Variants in FAM53A observed in about 807,000 individuals in gnomAD.
The protein encoded by FAM53A is protein FAM53A.
A neutral mutation model predicts 26.6 loss-of-function variants in FAM53A; 28 were observed. The ratio of observed to expected loss-of-function variants is 1.05; its 90% CI spans 0.78 to 1.45. FAM53A has a LOEUF of 1.45. Among genes scored for constraint, FAM53A ranks in the 40% most tolerant of loss-of-function variants. The pLI, the probability that FAM53A is intolerant of heterozygous loss-of-function variation, is 0.00. For missense variants in FAM53A, 650 were observed against 575.8 expected, an observed-to-expected ratio of 1.13 and a Z score of -1.32; for synonymous variants, 290 against 253.1, an observed-to-expected ratio of 1.15 and a Z score of -1.38.
chr4:1,601,915 TGGGGAGGTGGGCCA>T, the FAM53A span, among the ~76,000 whole-genome samples: 4 of 21,756 alleles, frequency 1.8e-4, 1 homozygote, highest in Non-Finnish European at 2.8e-4. Flanking sequence ...GTGTGGGGCC[TGGGGAGGTGGGCCA>T]GGGGAGGTGG....
At chr4:1,597,134 G>A in the FAM53A span, among the ~76,000 whole-genome samples, 1 of 152,122 alleles carries the variant, frequency 6.6e-6, no homozygotes, top group African/African-American at 2.4e-5. Context: ...CCACAGGCCT[G>A]GGCTCCCCAG....
intron 1 of FAM53A, among the ~76,000 whole-genome samples, chr4:1,620,681 AAAAG>A (rs1393331271): frequency 2.7e-5 from 4 of 148,640 alleles, no homozygotes; most frequent in East Asian, 2.0e-4. Context: ...AAAAAAAAGA[AAAAG>A]AAAGAAAGAA....
At chr4:1,685,717 G>C (rs1403866120), upstream of FAM53A, among the ~76,000 whole-genome samples, 1 of 152,164 alleles carries the variant, frequency 6.6e-6, no homozygotes, top group African/African-American at 2.4e-5. Flanking sequence ...AGGCGTCCAG[G>C]CCATTCTCTT....
At chr4:1,629,160 G>C (rs1715497092) in intron 1 of FAM53A, among the ~76,000 whole-genome samples, 1 of 152,014 alleles carries the variant, frequency 6.6e-6, no homozygotes, top group Admixed American at 6.5e-5. Flanking sequence ...AGGGTCCCTG[G>C]GGCACTAGAG....
chr4:1,643,996 C>T (rs1054315856), intron 4 of FAM53A, among the ~76,000 whole-genome samples: 4 of 152,246 alleles, frequency 2.6e-5, no homozygotes, highest in Non-Finnish European at 5.9e-5. Flanking sequence ...GCCCCAGGCC[C>T]GGCATGAGGA....
At chr4:1,575,645 G>T in the FAM53A span, among the ~76,000 whole-genome samples, 3 of 152,076 alleles carry the variant, frequency 2.0e-5, no homozygotes, top group Non-Finnish European at 4.4e-5. Context: ...GGGTCTCCAT[G>T]ATACTGAGTG....
rs1442292202 is a variant in FAM53A at position 1,618,483 on chromosome 4, C to T, written c.432-372G>A. Reference sequence around the variant, plus strand: ...AGGGCCCCCTTCAGACAGCCCCAGACAGGTGAGCAGGGATGGGAGGCAGAG... The same window carrying T: ...AGGGCCCCCTTCAGACAGCCCCAGATAGGTGAGCAGGGATGGGAGGCAGAG... On this transcript the variant is annotated intron_variant, in intron 1 of 1. Coordinates refer to the FAM53A transcript ENST00000489029. 2.6e-5 allele frequency among the ~76,000 whole-genome samples: 4 copies of T among 152,314 alleles called. No individual in the cohort carries two copies. In the East Asian group the frequency reaches 7.7e-4, roughly 29 times the overall value.
chr4:1,681,069 T>C (rs912152128), intron 1 of FAM53A, among the ~76,000 whole-genome samples: 1 of 152,060 alleles, frequency 6.6e-6, no homozygotes, highest in Non-Finnish European at 1.5e-5. Flanking sequence ...GTCCTGCATG[T>C]GTGAGGGCAG....
chr4:1,580,807 C>T, the FAM53A span, among the ~76,000 whole-genome samples: 1 of 123,940 alleles, frequency 8.1e-6, no homozygotes, highest in South Asian at 2.8e-4. Flanking sequence ...CCGCCTCCCA[C>T]TCAAGGCCCC....
At chr4:1,614,663 C>T (rs565453390), downstream of FAM53A, among the ~76,000 whole-genome samples, 7 of 152,284 alleles carry the variant, frequency 4.6e-5, no homozygotes, top group South Asian at 2.1e-4. Flanking sequence ...GCACAGGGAG[C>T]TCCTGCTCCT....
intron 1 of FAM53A, among the ~76,000 whole-genome samples, chr4:1,679,415 G>A (rs1332266133): frequency 6.8e-6 from 1 of 147,076 alleles, no homozygotes; most frequent in Non-Finnish European, 1.5e-5. Context: ...AAGGCCAGGT[G>A]CAGTGGTTCA....
At chr4:1,652,388 T>C (rs114221398) in intron 4 of FAM53A, among the ~76,000 whole-genome samples, 40,944 of 117,134 alleles carry the variant, frequency 0.35, 6,192 homozygotes, top group Middle Eastern at 0.61. Context: ...ACACATCACA[T>C]GCACACCACA....
chr4:1,621,448 CT>C (rs1715032863), intron 1 of FAM53A, among the ~76,000 whole-genome samples: 1 of 152,190 alleles, frequency 6.6e-6, no homozygotes. Flanking sequence ...CTGTCTAACA[CT>C]TTCACTCACA....
rs944274555 is a variant in FAM53A at position 1,630,446 on chromosome 4, A to T, written c.432-12335T>A. On this transcript the variant is annotated intron_variant, in intron 1 of 1. Coordinates refer to the FAM53A transcript ENST00000489029. This position sits in a 1 kb window ranked among gnomAD's most constrained non-coding sequence, Gnocchi z 4.3. Reference sequence around the variant, plus strand: ...AAACAGGCCGCGTCTGTATGTGGCCAGTGGGCCGCGGTTTGCCGACCCCCA... The same window carrying T: ...AAACAGGCCGCGTCTGTATGTGGCCTGTGGGCCGCGGTTTGCCGACCCCCA... Among the ~76,000 whole-genome samples the T allele has an allele frequency of 2.0e-5, 3 of 152,212 alleles. No individual in the cohort carries two copies. Among genetic ancestry groups the T allele is most frequent in the African/African-American group, 7.2e-5 (3 of 41,462 alleles).
chr4:1,680,295 G>T (rs1715331357), intron 1 of FAM53A, among the ~76,000 whole-genome samples: 1 of 122,178 alleles, frequency 8.2e-6, no homozygotes, highest in Non-Finnish European at 1.6e-5. Context: ...CTCCAGCCTG[G>T]GCAACGAGAG....
At position 1,655,017 on chromosome 4, in the gene FAM53A, C is replaced by G. The variant is rs762327196; in HGVS notation, c.843G>C (p.Arg281Ser). Reference protein sequence around the residue: ...RRKRRREEDARWTRPSLDFLK... With the variant: ...RRKRRREEDASWTRPSLDFLK... ...GGAAGTCCAAGGATGGGCGTGTCCACCTGGCGTCCTCCTCACGCCTCCGTT... is the reference window on the plus strand; with the variant it reads ...GGAAGTCCAAGGATGGGCGTGTCCAGCTGGCGTCCTCCTCACGCCTCCGTT... Residue 281 changes from arginine to serine, a missense_variant, in exon 4 of 5, where the codon AGG becomes AGC. Physicochemically the swap from Arg to Ser is moderately radical, Grantham distance 110 (BLOSUM62 -1). Transcript: ENST00000308132. The G allele has an allele frequency of 4.5e-6, 7 of 1,556,678 alleles. No homozygotes were observed. The highest frequency in any genetic ancestry group is 3.5e-6 in the Non-Finnish European group (4 of 1,152,402).
chr4:1,672,208 C>A (rs1253086984), intron 1 of FAM53A, among the ~76,000 whole-genome samples: 1 of 86,718 alleles, frequency 1.2e-5, no homozygotes, highest in African/African-American at 3.5e-5. Flanking sequence ...GAACCAGGAA[C>A]CCACAGATCC....
At chr4:1,606,101 C>G in the FAM53A span, among the ~76,000 whole-genome samples, 1 of 149,820 alleles carries the variant, frequency 6.7e-6, no homozygotes, top group South Asian at 2.1e-4. Context: ...TGCAGTGGCG[C>G]GATCTCAACT....
chr4:1,650,599 G>A (rs1315469341), intron 4 of FAM53A, among the ~76,000 whole-genome samples: 5 of 151,986 alleles, frequency 3.3e-5, no homozygotes, highest in African/African-American at 9.7e-5. Flanking sequence ...AGGTTCAAGC[G>A]ATTCTCCTGA....
Sources: allele counts gnomAD v4.1 joint callset (sites outside exome capture counted in the v4.1 genomes callset), GRCh38; gene constraint gnomAD v4.1.1; non-coding constraint Gnocchi (gnomAD v3.1); transcripts MANE v1.5; gene names NCBI Gene and HGNC (gene_info 2026-07-23, HGNC 2026-07-21).